RGS7: variants seen among roughly 807,000 people sequenced by gnomAD.
RGS7 encodes the protein regulator of G protein signaling 7.
A neutral mutation model predicts 81.1 loss-of-function variants in RGS7; 27 were observed. The ratio of observed to expected loss-of-function variants is 0.33; its 90% confidence interval spans 0.25 to 0.46. The LOEUF (loss-of-function observed/expected upper bound fraction) is 0.46. RGS7 is among the 20% of genes least tolerant of loss of function. The pLI is 1.00. For missense variants in RGS7, 396 were observed against 607.4 expected (o/e 0.65, Z 3.66); for synonymous variants, 208 against 207.7 (o/e 1.00, Z -0.01).
intron 2 of RGS7, among the ~76,000 whole-genome samples, chr1:241,354,681 C>T (rs1319929562): frequency 6.6e-6 from 1 of 152,148 alleles, no homozygotes; most frequent in Admixed American, 6.5e-5. Flanking sequence ...GATCCCCTTG[C>T]TGAAAAAGAA....
chr1:241,137,101 T>C (rs771762139), intron 2 of RGS7, among the ~76,000 whole-genome samples: 1 of 152,228 alleles, frequency 6.6e-6, no homozygotes, highest in South Asian at 2.1e-4. Context: ...AGGCATCATA[T>C]CATCAGGAAG....
intron 2 of RGS7, among the ~76,000 whole-genome samples, chr1:241,339,364 T>G (rs1441908066): frequency 6.6e-6 from 1 of 152,218 alleles, no homozygotes; most frequent in South Asian, 2.1e-4. Context: ...TCAATAAATG[T>G]TTGCTACATT....
intron 18 of RGS7, among the ~76,000 whole-genome samples, chr1:240,782,279 C>T (rs1365379245): frequency 6.6e-6 from 1 of 152,192 alleles, no homozygotes; most frequent in Non-Finnish European, 1.5e-5. Flanking sequence ...CAGGGAAGTA[C>T]ACGTGGTACG....
At chr1:241,335,597 C>T (rs1047840772) in intron 2 of RGS7, among the ~76,000 whole-genome samples, 7 of 152,018 alleles carry the variant, frequency 4.6e-5, no homozygotes, top group African/African-American at 1.7e-4. Flanking sequence ...AATAAATATC[C>T]ACTAAATTTA....
At chr1:241,180,789 C>T (rs895146238) in intron 2 of RGS7, among the ~76,000 whole-genome samples, 6 of 152,286 alleles carry the variant, frequency 3.9e-5, no homozygotes, top group Middle Eastern at 3.4e-3. Flanking sequence ...AGGACAGCAG[C>T]GCACGGGAGT....
At chr1:240,900,716 C>T (rs1425021083) in intron 6 of RGS7, among the ~76,000 whole-genome samples, 3 of 152,202 alleles carry the variant, frequency 2.0e-5, no homozygotes, top group African/African-American at 7.2e-5. Context: ...TGGGATGTGC[C>T]TCCCAGTTAG....
rs143491677 is a variant in RGS7 at position 240,878,004 on chromosome 1, C to G, written c.386-7885G>C. Reference sequence around the variant, plus strand: ...CTACTACTTCCCATCTCATCTCTCTCTAGGAAAAGCCACAGTCCTTACTGC... The same window carrying G: ...CTACTACTTCCCATCTCATCTCTCTGTAGGAAAAGCCACAGTCCTTACTGC... On this transcript the variant is annotated intron_variant, in intron 6 of 18. Coordinates refer to ENST00000440928, the MANE Select transcript of RGS7 (RefSeq NM_001364886.1). 9.5e-3 allele frequency among the ~76,000 whole-genome samples: 1,449 copies of G among 152,262 alleles called. 11 individuals carry two copies. Among genetic ancestry groups the G allele is most frequent in the Non-Finnish European group, 0.017 (1,123 of 68,018 alleles).
At chr1:241,205,358 G>A (rs2073809714) in intron 2 of RGS7, among the ~76,000 whole-genome samples, 1 of 151,622 alleles carries the variant, frequency 6.6e-6, no homozygotes. Context: ...GGGATTACAG[G>A]CATGAGCCAC....
intron 2 of RGS7, among the ~76,000 whole-genome samples, chr1:241,250,844 G>A (rs1011422304): frequency 2.6e-5 from 4 of 152,250 alleles, no homozygotes; most frequent in Non-Finnish European, 5.9e-5. Context: ...GCTAAGCCCT[G>A]TGGCTCTCTG....
chr1:241,082,752 T>A (rs1330851885), intron 3 of RGS7, among the ~76,000 whole-genome samples: 8 of 152,180 alleles, frequency 5.3e-5, no homozygotes, highest in Non-Finnish European at 1.2e-4. Flanking sequence ...AAGATAAATA[T>A]TTAAAGTGAT....
intron 2 of RGS7, among the ~76,000 whole-genome samples, chr1:241,219,665 G>A (rs980608668): frequency 3.9e-5 from 6 of 152,116 alleles, no homozygotes; most frequent in African/African-American, 1.2e-4. Flanking sequence ...TAGTGACAAA[G>A]TTGAAACATA....
At chr1:240,827,732 C>T (rs537520519) in intron 9 of RGS7, among the ~76,000 whole-genome samples, 4 of 151,838 alleles carry the variant, frequency 2.6e-5, no homozygotes, top group African/African-American at 4.8e-5. Context: ...GGCGTGGTGG[C>T]GGGTGCCTGT....
chr1:241,332,980 A>G (rs959962098), intron 2 of RGS7, among the ~76,000 whole-genome samples: 6 of 152,222 alleles, frequency 3.9e-5, no homozygotes, highest in Admixed American at 6.5e-5. Context: ...AATGATGAAC[A>G]GTGATGTCGG....
At chr1:241,214,716 C>T (rs1373745206) in intron 2 of RGS7, among the ~76,000 whole-genome samples, 1 of 152,002 alleles carries the variant, frequency 6.6e-6, no homozygotes, top group African/African-American at 2.4e-5. Context: ...ATTTGTGACT[C>T]ATTTTAGGTA....
chr1:241,232,919 T>A (rs2075745868), intron 2 of RGS7, among the ~76,000 whole-genome samples: 1 of 152,212 alleles, frequency 6.6e-6, no homozygotes, highest in Middle Eastern at 3.2e-3. Context: ...TTTATTGTTA[T>A]ATTGTCCATT....
At chr1:240,989,575 T>C (rs961188802) in intron 3 of RGS7, among the ~76,000 whole-genome samples, 1 of 152,022 alleles carries the variant, frequency 6.6e-6, no homozygotes, top group African/African-American at 2.4e-5. Context: ...AAAACCCTAT[T>C]ACTGAGACAC....
chr1:240,809,439 A>G (rs1359992368), intron 14 of RGS7, among the ~76,000 whole-genome samples: 1 of 152,158 alleles, frequency 6.6e-6, no homozygotes, highest in Non-Finnish European at 1.5e-5. Flanking sequence ...CCACTGGACC[A>G]TTTTGTCTCC....
At chr1:241,080,678 C>T (rs535625011) in intron 3 of RGS7, among the ~76,000 whole-genome samples, 2 of 152,248 alleles carry the variant, frequency 1.3e-5, no homozygotes, top group East Asian at 3.9e-4. Context: ...TCCAAATATA[C>T]CATTTTTTTC....
intron 3 of RGS7, among the ~76,000 whole-genome samples, chr1:241,046,302 AC>A (rs1553399798): frequency 0.017 from 305 of 18,042 alleles, 1 homozygote; most frequent in African/African-American, 0.04. Context: ...TTCAGCCCTG[AC>A]CCCCCCCCCC....
Sources: gnomAD v4.1 joint callset for allele counts (sites outside exome capture counted in the v4.1 genomes callset) on GRCh38, gnomAD v4.1.1 for gene constraint, MANE v1.5 for transcripts, NCBI Gene and HGNC (gene_info 2026-07-23, HGNC 2026-07-21) for gene names.